MYOM1: variants seen among roughly 807,000 people sequenced by gnomAD.
MYOM1 encodes the protein myomesin 1.
A neutral mutation model predicts 205.3 loss-of-function variants in MYOM1; 164 were observed. That is an observed-to-expected ratio of 0.80 (90% confidence interval 0.70 to 0.91). MYOM1 has a LOEUF of 0.91. MYOM1 is among the 40% of genes least tolerant of loss of function. The pLI is 0.00. For synonymous variants in MYOM1, 772 were observed against 789.4 expected (o/e 0.98, Z 0.37); for missense variants, 2,011 against 2,127.3 (o/e 0.95, Z 1.08).
At chr18:3,240,691 G>A in the MYOM1 span, among the ~76,000 whole-genome samples, 8 of 152,348 alleles carry the variant, frequency 5.3e-5, no homozygotes, top group East Asian at 1.2e-3. Context: ...AAATGTGGAA[G>A]TGACTTTGTA....
intron 12 of MYOM1, among the ~76,000 whole-genome samples, chr18:3,149,862 G>A (rs557829010): frequency 3.2e-4 from 49 of 152,158 alleles, no homozygotes; most frequent in African/African-American, 1.1e-3. Flanking sequence ...AAAACAGAAA[G>A]GCAGTAAAGA....
Position 3,134,702 on chromosome 18 carries a change from C to T in MYOM1, c.2332G>A (p.Ala778Thr). ...LVGYYIEASV[A>T]GSGKWEPCNN... ...CAGGGCTCCCACTTGCCAGAGCCAG[C>T]AACGCTCGCCTCTATGTAGTACCCG... The change falls in exon 16 of 38, where the codon GCT becomes ACT. Residue 778 changes from alanine (A) to threonine (T), a missense_variant. Physicochemically the swap from Ala to Thr is moderately conservative, Grantham distance 58 (BLOSUM62 0). Coordinates refer to ENST00000356443, the MANE Select transcript of MYOM1 (RefSeq NM_003803.4). 1.2e-6 allele frequency: 2 copies of T among 1,613,890 alleles called. No individual in the cohort carries two copies. The highest frequency in any genetic ancestry group is 1.7e-6 in the Non-Finnish European group (2 of 1,179,828).
At chr18:3,232,328 A>T in the MYOM1 span, among the ~76,000 whole-genome samples, 1 of 151,868 alleles carries the variant, frequency 6.6e-6, no homozygotes, top group East Asian at 1.9e-4. Flanking sequence ...AGACTCCATC[A>T]TGGAAAAAAA....
chr18:3,210,216 A>G (rs919320277), intron 2 of MYOM1, among the ~76,000 whole-genome samples: 2 of 152,206 alleles, frequency 1.3e-5, no homozygotes, highest in Non-Finnish European at 1.5e-5. Context: ...GGGGTAGGAG[A>G]TGGAACAAGC....
At chr18:3,083,533 A>G (rs2079113051) in intron 33 of MYOM1, among the ~76,000 whole-genome samples, 1 of 146,812 alleles carries the variant, frequency 6.8e-6, no homozygotes, top group Non-Finnish European at 1.5e-5. Flanking sequence ...GGTTCAAGCA[A>G]TTCTCATGCC....
At chr18:3,130,581 A>G (rs1598704829) in intron 17 of MYOM1, among the ~76,000 whole-genome samples, 1 of 152,078 alleles carries the variant, frequency 6.6e-6, no homozygotes, top group East Asian at 1.9e-4. Context: ...CCTTCTGAAT[A>G]GCTGGGACTA....
intron 21 of MYOM1, among the ~76,000 whole-genome samples, chr18:3,115,986 G>C (rs563219635): frequency 6.6e-6 from 1 of 152,216 alleles, no homozygotes; most frequent in East Asian, 1.9e-4. Flanking sequence ...CTAGAAAAAA[G>C]AGGAATGAAA....
At chr18:3,245,409 T>C in the MYOM1 span, among the ~76,000 whole-genome samples, 1 of 152,088 alleles carries the variant, frequency 6.6e-6, no homozygotes, top group Non-Finnish European at 1.5e-5. Context: ...CTCCAAACTT[T>C]TAGTAAAAAC....
chr18:3,081,886 CT>C (rs2079089809), intron 33 of MYOM1, among the ~76,000 whole-genome samples: 1 of 152,142 alleles, frequency 6.6e-6, no homozygotes, highest in Admixed American at 6.5e-5. Flanking sequence ...CAAATGGCTG[CT>C]TTGTGGGGCC....
At chr18:3,241,248 C>A in the MYOM1 span, among the ~76,000 whole-genome samples, 1 of 152,196 alleles carries the variant, frequency 6.6e-6, no homozygotes, top group African/African-American at 2.4e-5. Flanking sequence ...GTCTTCATGG[C>A]AGCCCCTCCC....
At chr18:3,110,089 C>T (rs1178459124) in intron 22 of MYOM1, among the ~76,000 whole-genome samples, 1 of 152,190 alleles carries the variant, frequency 6.6e-6, no homozygotes, top group African/African-American at 2.4e-5. Flanking sequence ...AATAAAATCA[C>T]AGTAAACTGT....
intron 11 of MYOM1, among the ~76,000 whole-genome samples, chr18:3,153,290 C>T (rs191174105): frequency 3.3e-5 from 5 of 152,276 alleles, no homozygotes; most frequent in East Asian, 1.9e-4. Context: ...ACTTATTACC[C>T]GCGTGATCTT....
the MYOM1 span, among the ~76,000 whole-genome samples, chr18:3,244,245 A>T: frequency 6.6e-6 from 1 of 152,004 alleles, no homozygotes; most frequent in Non-Finnish European, 1.5e-5. Flanking sequence ...CCACTCCTCC[A>T]CTATTGAGAA....
chr18:3,239,107 C>T, the MYOM1 span, among the ~76,000 whole-genome samples: 1 of 152,154 alleles, frequency 6.6e-6, no homozygotes, highest in African/African-American at 2.4e-5. Flanking sequence ...TTTTGGGGGT[C>T]CTTAGTCTGC....
chr18:3,168,848 A>T lies in MYOM1; in HGVS notation c.1308T>A (p.His436Gln). 6.2e-7 allele frequency: 1 copy of T among 1,613,952 alleles called. No individual in the cohort carries two copies. The highest frequency in any genetic ancestry group is 8.5e-7 in the Non-Finnish European group (1 of 1,179,882). ...TGTACCACTGGATCTCTGGCTGGAA[A>T]TGTTTAATTTCAGGAGTGATGACAA... is the stretch of plus-strand genomic sequence containing the variant. ...CRVVITPEIKHFQPEIQWYRN... is the reference protein window; with the variant it reads ...CRVVITPEIKQFQPEIQWYRN... Residue 436 changes from histidine to glutamine, a missense_variant, in exon 9 of 38, where the codon CAT becomes CAA. Transcript: ENST00000356443.
upstream of MYOM1, among the ~76,000 whole-genome samples, chr18:3,223,171 A>T (rs919030224): frequency 6.6e-6 from 1 of 152,166 alleles, no homozygotes; most frequent in African/African-American, 2.4e-5. Flanking sequence ...GTGAGCCACC[A>T]TGTCTGGCTG....
At chr18:3,126,637 C>T in intron 19 of MYOM1, 64 bp downstream of exon 19, 2 of 1,469,042 alleles carry the variant, frequency 1.4e-6, no homozygotes, top group South Asian at 1.4e-5. Context: ...TGTGTGCCTG[C>T]CTGGGCGTGC....
At chr18:3,161,256 G>A (rs2080387067) in intron 10 of MYOM1, among the ~76,000 whole-genome samples, 1 of 152,172 alleles carries the variant, frequency 6.6e-6, no homozygotes, top group Admixed American at 6.5e-5. Context: ...TAGATATTCA[G>A]GTATCTATAC....
rs746390667 is a variant in MYOM1, at chr18:3,067,565, A to G, written c.4765-10T>C. On this transcript the variant is annotated splice_polypyrimidine_tract_variant and intron_variant, in intron 37 of 37. Coordinates refer to ENST00000356443, the MANE Select transcript of MYOM1 (RefSeq NM_003803.4). Reference sequence around the variant, plus strand: ...AAGTGAGATTAAGGGCCTGCAAGACAGGTTTTATGGGAGAGAAGAAGATAA... The same window carrying G: ...AAGTGAGATTAAGGGCCTGCAAGACGGGTTTTATGGGAGAGAAGAAGATAA... The G allele has an allele frequency of 6.5e-5, 104 of 1,607,444 alleles. No individual in the cohort carries two copies. Among genetic ancestry groups the G allele is most frequent in the Non-Finnish European group, 8.2e-5 (96 of 1,175,252 alleles).
Sources: allele counts gnomAD v4.1 joint callset (sites outside exome capture counted in the v4.1 genomes callset), GRCh38; gene constraint gnomAD v4.1.1; transcripts MANE v1.5; gene names NCBI Gene and HGNC (gene_info 2026-07-23, HGNC 2026-07-21).